ARHGEF28: variants seen among roughly 807,000 people sequenced by gnomAD.
ARHGEF28 encodes the protein Rho guanine nucleotide exchange factor 28, also known as 190 kDa guanine nucleotide exchange factor.
In ARHGEF28, 152 loss-of-function variants were observed where a neutral mutation model predicts 206.6. That is an observed-to-expected ratio of 0.74 (90% CI 0.64 to 0.84). ARHGEF28 has a LOEUF of 0.84. Among genes scored for constraint, ARHGEF28 ranks in the 40% least tolerant of loss-of-function variants. ARHGEF28 has a pLI of 0.00. For synonymous variants in ARHGEF28, 763 were observed against 776.4 expected, an observed-to-expected ratio of 0.98 and a Z score of 0.29; for missense variants, 2,028 against 2,073.2, an observed-to-expected ratio of 0.98 and a Z score of 0.42.
At chr5:73,645,848 C>T (rs1429838829) in intron 1 of ARHGEF28, among the ~76,000 whole-genome samples, 2 of 151,852 alleles carry the variant, frequency 1.3e-5, no homozygotes, top group Admixed American at 6.6e-5. Context: ...TTAATTTCCC[C>T]TCCTTTCCTT....
At chr5:73,920,374 G>A (rs554578668) in intron 35 of ARHGEF28, among the ~76,000 whole-genome samples, 1 of 152,084 alleles carries the variant, frequency 6.6e-6, no homozygotes, top group Non-Finnish European at 1.5e-5. Context: ...ATTTATCAAT[G>A]TATAGTACTA....
At chr5:73,749,717 C>T in intron 2 of ARHGEF28, 120 bp from the exon 3 acceptor site, 2 of 1,086,000 alleles carry the variant, frequency 1.8e-6, no homozygotes, top group Non-Finnish European at 1.3e-6. Context: ...GCTATTTGAA[C>T]TCAACCACAT....
chr5:73,675,945 C>T (rs953999248), intron 1 of ARHGEF28, among the ~76,000 whole-genome samples: 9 of 151,594 alleles, frequency 5.9e-5, no homozygotes, highest in Non-Finnish European at 7.4e-5. Context: ...ATGGATAGAA[C>T]GTGAACCGTG....
intron 2 of ARHGEF28, among the ~76,000 whole-genome samples, chr5:73,687,264 A>T (rs912622796): frequency 1.4e-4 from 22 of 152,142 alleles, no homozygotes; most frequent in Non-Finnish European, 2.8e-4. Flanking sequence ...AAGGTCTTTT[A>T]ATAAATATAA....
chr5:73,751,876 G>A (rs1298233181), intron 3 of ARHGEF28, among the ~76,000 whole-genome samples: 5 of 139,496 alleles, frequency 3.6e-5, no homozygotes, highest in African/African-American at 1.1e-4. Flanking sequence ...TCTGGTGGGA[G>A]GTGGGTGCAT....
intron 9 of ARHGEF28, among the ~76,000 whole-genome samples, chr5:73,800,171 G>A (rs1470179415): frequency 6.6e-6 from 1 of 152,082 alleles, no homozygotes; most frequent in African/African-American, 2.4e-5. Context: ...TCTCATGCAT[G>A]CATTTCTTTT....
intron 9 of ARHGEF28, among the ~76,000 whole-genome samples, chr5:73,817,333 C>CTCTA (rs1756284472): frequency 6.6e-6 from 1 of 152,222 alleles, no homozygotes; most frequent in South Asian, 2.1e-4. Context: ...GCTTAGATAG[C>CTCTA]ACCATATTTT....
At position 73,868,010 on chromosome 5, in the gene ARHGEF28, A is replaced by G. The variant is rs1435625571; in HGVS notation, c.2287A>G (p.Thr763Ala). 3.7e-6 allele frequency: 6 copies of G among 1,613,908 alleles called. No individual in the cohort carries two copies. The highest frequency in any genetic ancestry group is 5.1e-6 in the Non-Finnish European group (6 of 1,179,846). The stretch of plus-strand genomic sequence containing the variant: ...ATTGTCCAGAAGTGTTCCAGGCACC[A>G]CCTTGGAAAGGTAAGGCTGAGTGTG... ...HPLSRSVPGT[T>A]LESFRRSATS... The change falls in exon 19 of 36, where the codon ACC becomes GCC. Residue 763 changes from threonine to alanine, a missense_variant. Coordinates refer to ENST00000513042, the MANE Select transcript of ARHGEF28 (RefSeq NM_001177693.2).
chr5:73,648,823 A>C (rs921756350), intron 1 of ARHGEF28, among the ~76,000 whole-genome samples: 2 of 152,052 alleles, frequency 1.3e-5, no homozygotes, highest in Non-Finnish European at 2.9e-5. Flanking sequence ...CACACCACTC[A>C]TCCTGTCTCT....
Position 73,753,086 on chromosome 5 carries a change from C to G in ARHGEF28, c.359C>G (p.Thr120Ser). The G allele has an allele frequency of 6.2e-7, 1 of 1,607,256 alleles. No homozygotes were observed. Among genetic ancestry groups the G allele is most frequent in the Non-Finnish European group, 8.5e-7 (1 of 1,176,630 alleles). The stretch of plus-strand genomic sequence containing the variant: ...GCCTGCAGCCACCAGACCCTGCTGA[C>G]CCCATTTGCCTTGACGGCAGGAGCA... ...LTACSHQTLLTPFALTAGALP... is the reference protein window; with the variant it reads ...LTACSHQTLLSPFALTAGALP... The change falls in exon 4 of 36, where the codon ACC (threonine) becomes AGC (serine). Residue 120 changes from threonine to serine, a missense_variant. This residue lies in a region of ARHGEF28 where 1,002 missense variants were observed against 1,015.3 expected (regional missense o/e 0.99). Transcript: ENST00000513042.
intron 35 of ARHGEF28, among the ~76,000 whole-genome samples, chr5:73,917,018 A>G (rs1408547172): frequency 6.6e-6 from 1 of 152,194 alleles, no homozygotes; most frequent in Non-Finnish European, 1.5e-5. Flanking sequence ...TATTGAATCC[A>G]TTTCCTATTT....
intron 35 of ARHGEF28, among the ~76,000 whole-genome samples, chr5:73,937,233 T>C (rs994211923): frequency 4.6e-5 from 7 of 152,204 alleles, no homozygotes; most frequent in African/African-American, 1.7e-4. Flanking sequence ...ATACCTGTAA[T>C]TTTTTGAAAC....
intron 4 of ARHGEF28, among the ~76,000 whole-genome samples, chr5:73,763,815 G>A (rs1031929938): frequency 2.6e-5 from 4 of 152,114 alleles, no homozygotes; most frequent in East Asian, 3.9e-4. Flanking sequence ...CCTAATGACC[G>A]CCTGCTGCCC....
At chr5:73,641,754 T>TTG (rs1744121888) in intron 1 of ARHGEF28, among the ~76,000 whole-genome samples, 1 of 152,168 alleles carries the variant, frequency 6.6e-6, no homozygotes, top group Non-Finnish European at 1.5e-5. Context: ...CCTGCAGCAT[T>TTG]TGAGGGCTGC....
At chr5:73,832,758 C>T (rs576538227) in intron 10 of ARHGEF28, among the ~76,000 whole-genome samples, 5 of 152,256 alleles carry the variant, frequency 3.3e-5, no homozygotes, top group African/African-American at 1.2e-4. Context: ...GACAACTGTG[C>T]AACCAATGTC....
chr5:73,846,384 A>T lies in ARHGEF28; in HGVS notation c.1544A>T (p.Asp515Val), dbSNP rs376613378. Residue 515 changes from aspartate to valine, a missense_variant, in exon 12 of 36, where the codon GAT becomes GTT. Asp to Val is a radical substitution (Grantham distance 152). This residue lies in a region of ARHGEF28 where 1,002 missense variants were observed against 1,015.3 expected (regional missense o/e 0.99). Coordinates refer to ENST00000513042, the MANE Select transcript of ARHGEF28 (RefSeq NM_001177693.2). ...SSSRTGIPSG[D>V]ELDSFETNTE... ...TCAAGAACTGGGATTCCTAGTGGGG[A>T]TGAATTGGACTCTTTTGAGACTAAC... The T allele has an allele frequency of 1.9e-6, 3 of 1,613,816 alleles. No homozygotes were observed. The African/African-American group carries it at 4.0e-5, about 22-fold the overall frequency.
intron 11 of ARHGEF28, among the ~76,000 whole-genome samples, chr5:73,844,258 G>C (rs1430908438): frequency 6.6e-6 from 1 of 152,198 alleles, no homozygotes; most frequent in Admixed American, 6.5e-5. Flanking sequence ...GGAAAGGCTT[G>C]TGTTAAAATC....
At chr5:73,809,720 A>G (rs1041980250) in intron 9 of ARHGEF28, among the ~76,000 whole-genome samples, 8 of 152,262 alleles carry the variant, frequency 5.3e-5, no homozygotes, top group Non-Finnish European at 8.8e-5. Context: ...CTGAAACTTC[A>G]AGGCAGCAGT....
At chr5:73,652,986 T>C (rs1254346562) in intron 1 of ARHGEF28, among the ~76,000 whole-genome samples, 2 of 152,184 alleles carry the variant, frequency 1.3e-5, no homozygotes, top group African/African-American at 4.8e-5. Flanking sequence ...ATGCCGTCAG[T>C]GTGTAGTTAA....
Sources: gnomAD v4.1 joint callset for allele counts (sites outside exome capture counted in the v4.1 genomes callset) on GRCh38, gnomAD v4.1.1 for gene constraint, gnomAD v4.1.1 regional missense constraint, MANE v1.5 for transcripts, NCBI Gene and HGNC (gene_info 2026-07-23, HGNC 2026-07-21) for gene names.